Variants in SHROOM3 observed in about 807,000 individuals in gnomAD.
SHROOM3 encodes the protein shroom family member 3.
In SHROOM3, 47 loss-of-function variants were observed where a neutral mutation model predicts 138.6. The ratio of observed to expected loss-of-function variants is 0.34; its 90% CI spans 0.27 to 0.43. SHROOM3 has a LOEUF of 0.43. SHROOM3 is among the 20% of genes least tolerant of loss of function. The pLI, the probability that SHROOM3 is intolerant of heterozygous loss-of-function variation, is 1.00. For missense variants in SHROOM3, 2,491 were observed against 2,596.5 expected, an observed-to-expected ratio of 0.96 and a Z score of 0.88; for synonymous variants, 1,062 against 1,063.3, an observed-to-expected ratio of 1.00 and a Z score of 0.02.
chr4:76,754,821 C>T lies in SHROOM3; in HGVS notation c.4338C>T (p.Ser1446=), dbSNP rs758065565. 11 of 1,614,158 alleles carry T rather than the reference C, an allele frequency of 6.8e-6. No homozygotes were observed. The highest frequency in any genetic ancestry group is 1.6e-4 in the Middle Eastern group (1 of 6,062). The change falls in exon 7 of 11, where the codon TCC becomes TCT. Residue 1446 remains serine (S), a synonymous_variant. Transcript: ENST00000296043. ...GAGAGGACAGCCTTCCTGAGGAATC[C>T]TCAGCCCCTGATTTTGCAAACCTGA... ...AAREDSLPEE[S]SAPDFANLKH...
At chr4:76,487,820 G>A (rs1180808207) in intron 1 of SHROOM3, among the ~76,000 whole-genome samples, 1 of 152,216 alleles carries the variant, frequency 6.6e-6, no homozygotes, top group African/African-American at 2.4e-5. Flanking sequence ...TCAAAGGATG[G>A]AAGCAGCCAA....
intron 2 of SHROOM3, among the ~76,000 whole-genome samples, chr4:76,605,913 T>TTCTCTC (rs1287814722): frequency 7.0e-6 from 1 of 141,854 alleles, no homozygotes; most frequent in Non-Finnish European, 1.5e-5. Context: ...AGGCACAATT[T>TTCTCTC]TCTCTCTCTC....
chr4:76,740,395 G>A lies in SHROOM3; in HGVS notation c.2222G>A (p.Ser741Asn). The change falls in exon 5 of 11, where the codon AGT becomes AAT. Residue 741 changes from serine to asparagine, a missense_variant. Ser to Asn is a conservative substitution (Grantham distance 46). This residue lies in a region of SHROOM3 where 1,733 missense variants were observed against 1,661.6 expected (regional missense o/e 1.04). Coordinates refer to ENST00000296043, the MANE Select transcript of SHROOM3 (RefSeq NM_020859.4). The surrounding 1 kb of genome is among the most constrained non-coding windows in gnomAD (Gnocchi z 4.0). ...ASASFNSTDP[S>N]PEEPPAPSHP... ...GCTTCTTTCAACAGCACAGACCCAA[G>A]TCCCGAAGAGCCGCCTGCCCCCTCG... 6.2e-7 allele frequency: 1 copy of A among 1,613,072 alleles called. No individual in the cohort carries two copies. Among genetic ancestry groups the A allele is most frequent in the Non-Finnish European group, 8.5e-7 (1 of 1,179,988 alleles).
intron 2 of SHROOM3, chr4:76,689,590 C>T (rs1430933473): frequency 1.0e-6 from 1 of 984,958 alleles, no homozygotes; most frequent in Non-Finnish European, 1.2e-6. Flanking sequence ...CGCGTTGGGC[C>T]CCGCCGGCGA....
chr4:76,625,796 A>C (rs1308093490), intron 2 of SHROOM3, among the ~76,000 whole-genome samples: 2 of 152,196 alleles, frequency 1.3e-5, no homozygotes, highest in East Asian at 3.8e-4. Flanking sequence ...GTCTACCCCT[A>C]TAACTAACCA....
chr4:76,666,909 C>A (rs1200695834), intron 2 of SHROOM3, among the ~76,000 whole-genome samples: 1 of 152,054 alleles, frequency 6.6e-6, no homozygotes, highest in African/African-American at 2.4e-5. Flanking sequence ...GGAATGAAAT[C>A]CTGTTACAGA....
At chr4:76,618,717 G>A (rs1443444531) in intron 2 of SHROOM3, among the ~76,000 whole-genome samples, 1 of 152,136 alleles carries the variant, frequency 6.6e-6, no homozygotes, top group Non-Finnish European at 1.5e-5. Context: ...TATAGCTACA[G>A]TATAATTGTC....
chr4:76,553,536 A>G (rs1047067704), intron 1 of SHROOM3, among the ~76,000 whole-genome samples: 1 of 151,944 alleles, frequency 6.6e-6, no homozygotes, highest in African/African-American at 2.4e-5. Context: ...CCGGCCTCCC[A>G]AAGTGCTAGG....
At position 76,774,974 on chromosome 4, in the gene SHROOM3, A is replaced by G. The variant is rs147495306; in HGVS notation, c.5623-3835A>G. ...CCACAATCACTTTTTTTTTATTTCA[A>G]TAGGTTTTTGGGGAACAGGTGGTGT... On this transcript the variant is annotated intron_variant, in intron 10 of 10. Transcript: ENST00000296043. Among the ~76,000 whole-genome samples, 252 of 151,554 alleles carry G rather than the reference A, an allele frequency of 1.7e-3. 1 individual carries two copies. In the East Asian group the frequency reaches 0.021, roughly 12 times the overall value.
intron 5 of SHROOM3, among the ~76,000 whole-genome samples, chr4:76,746,749 G>A (rs7682160): frequency 0.25 from 37,472 of 150,650 alleles, 4,908 homozygotes; most frequent in East Asian, 0.33. Flanking sequence ...ACCCAAAACA[G>A]GAGGACTGAG....
Position 76,756,841 on chromosome 4 carries a change from G to C in SHROOM3, c.5102G>C (p.Gly1701Ala), listed in dbSNP as rs189609074. The change falls in exon 8 of 11, where the codon GGT becomes GCT. Residue 1701 changes from glycine to alanine, a missense_variant. Gly to Ala is a moderately conservative substitution (Grantham distance 60). Coordinates refer to ENST00000296043, the MANE Select transcript of SHROOM3 (RefSeq NM_020859.4). Reference protein sequence around the residue: ...RLKTTMDLMEGLFPRDVNLLK... With the variant: ...RLKTTMDLMEALFPRDVNLLK... ...AAGACAACAATGGACCTGATGGAAGGTTTGTTTCCCCGAGATGTGAACTTG... is the reference window on the plus strand; with the variant it reads ...AAGACAACAATGGACCTGATGGAAGCTTTGTTTCCCCGAGATGTGAACTTG... The C allele has an allele frequency of 6.2e-7, 1 of 1,614,142 alleles. No homozygotes were observed. The highest frequency in any genetic ancestry group is 2.2e-5 in the East Asian group (1 of 44,884).
intron 2 of SHROOM3, among the ~76,000 whole-genome samples, chr4:76,703,332 TA>T (rs1371815474): frequency 6.6e-6 from 1 of 151,730 alleles, no homozygotes; most frequent in Admixed American, 6.6e-5. Context: ...AAAAGATGAG[TA>T]ATGAGAGGAC....
intron 1 of SHROOM3, among the ~76,000 whole-genome samples, chr4:76,524,435 G>A (rs1309404313): frequency 6.6e-6 from 1 of 152,222 alleles, no homozygotes; most frequent in Non-Finnish European, 1.5e-5. Context: ...GGGGTGGACA[G>A]GAGAAAGGAA....
chr4:76,621,106 A>AT (rs989183522), intron 2 of SHROOM3, among the ~76,000 whole-genome samples: 9 of 151,670 alleles, frequency 5.9e-5, no homozygotes, highest in Non-Finnish European at 1.3e-4. Flanking sequence ...TTCTCCATTG[A>AT]TTTTTCATTT....
chr4:76,650,988 A>G (rs933467591), intron 2 of SHROOM3, among the ~76,000 whole-genome samples: 3 of 152,218 alleles, frequency 2.0e-5, no homozygotes, highest in African/African-American at 7.2e-5. Flanking sequence ...AACAACATGG[A>G]TGGAACTGGA....
intron 2 of SHROOM3, among the ~76,000 whole-genome samples, chr4:76,707,364 G>A (rs544520632): frequency 1.3e-5 from 2 of 152,338 alleles, no homozygotes; most frequent in South Asian, 4.1e-4. Context: ...CAGGTTGTCA[G>A]TCTGTAAAAT....
chr4:76,712,130 G>A (rs1242925505), intron 3 of SHROOM3, among the ~76,000 whole-genome samples: 1 of 152,220 alleles, frequency 6.6e-6, no homozygotes, highest in African/African-American at 2.4e-5. Context: ...CAGTGCCAAA[G>A]CTCAAGGCCA....
chr4:76,506,886 A>T (rs906528476), intron 1 of SHROOM3, among the ~76,000 whole-genome samples: 7 of 152,110 alleles, frequency 4.6e-5, no homozygotes, highest in African/African-American at 1.7e-4. Flanking sequence ...TACTCCCTCC[A>T]TACTTCCTTT....
In SHROOM3 at chr4:76,730,040, A is replaced by G. The variant is rs139148143; in HGVS notation, c.456-764A>G. 7.8e-3 allele frequency among the ~76,000 whole-genome samples: 1,183 copies of G among 152,318 alleles called. 20 individuals are homozygous for G. The highest frequency in any genetic ancestry group is 0.043 in the Admixed American group (662 of 15,296). ...TTACCTGACTTTTTTTGCCAAAAAT[A>G]AGGCACAGCAGCTCTCTCCTGACTC... is the stretch of plus-strand genomic sequence containing the variant. On this transcript the variant is annotated intron_variant, in intron 3 of 10. Coordinates refer to ENST00000296043, the MANE Select transcript of SHROOM3 (RefSeq NM_020859.4).
Sources: gnomAD v4.1 joint callset for allele counts (sites outside exome capture counted in the v4.1 genomes callset) on GRCh38, gnomAD v4.1.1 for gene constraint, gnomAD v4.1.1 regional missense constraint, Gnocchi (gnomAD v3.1) non-coding constraint, MANE v1.5 for transcripts, NCBI Gene and HGNC (gene_info 2026-07-23, HGNC 2026-07-21) for gene names.